Variants in AP2B1 observed in about 807,000 individuals in gnomAD.
AP2B1 encodes the protein adaptor related protein complex 2 subunit beta 1.
Under a neutral mutation model 102.0 loss-of-function variants are expected in AP2B1, and 23 were observed. The observed-to-expected ratio is 0.23, with a 90% CI of 0.16 to 0.32. The LOEUF is 0.32. AP2B1 is among the 10% of genes least tolerant of loss of function. The probability of loss-of-function intolerance (pLI) is 1.00; values close to 1 mark genes in which losing one functional copy is unlikely to be tolerated. For synonymous variants in AP2B1, 381 were observed against 421.2 expected, an observed-to-expected ratio of 0.90 and a Z score of 1.17; for missense variants, 541 against 1,157.4, an observed-to-expected ratio of 0.47 and a Z score of 7.73.
At chr17:35,653,206 T>C (rs951866146) in intron 13 of AP2B1, among the ~76,000 whole-genome samples, 20 of 152,238 alleles carry the variant, frequency 1.3e-4, no homozygotes, top group Non-Finnish European at 1.9e-4. Context: ...ATGTTTTCAA[T>C]TGATCCTTGC....
chr17:35,680,700 G>GTTTTTTTTTTTTTTTTT (rs1176447688), intron 17 of AP2B1, among the ~76,000 whole-genome samples: 2 of 128,924 alleles, frequency 1.6e-5, no homozygotes, highest in African/African-American at 2.9e-5. Context: ...TTTTTTTTTT[G>GTTTTTTTTTTTTTTTTT]TTTTTTTTTT....
chr17:35,655,575 T>C (rs1373423506), intron 13 of AP2B1, among the ~76,000 whole-genome samples: 1 of 152,234 alleles, frequency 6.6e-6, no homozygotes, highest in East Asian at 1.9e-4. Flanking sequence ...ACCTTTGGGT[T>C]ATTTCTAGTT....
At chr17:35,604,899 G>A (rs2073615974) in intron 3 of AP2B1, among the ~76,000 whole-genome samples, 1 of 152,130 alleles carries the variant, frequency 6.6e-6, no homozygotes, top group African/African-American at 2.4e-5. Flanking sequence ...TAGAGACCTT[G>A]TTGAGAACAG....
At position 35,657,869 on chromosome 17, in the gene AP2B1, T is replaced by C. The variant is rs1042382695; in HGVS notation, c.1989+78T>C. 5 of 1,362,790 alleles carry C rather than the reference T, an allele frequency of 3.7e-6. No homozygotes were observed. In the African/African-American group the frequency reaches 7.3e-5, roughly 20 times the overall value. 84.4% of individuals were successfully genotyped at this position (1,362,790 alleles called of 1,614,324 possible). A position where few individuals can be genotyped will look rare whatever the true frequency, so the allele number is the denominator to read the frequency against. ...TAGAGAGTTTTAAATTATTCAGCTT[T>C]TTAGAACTAGACCTTTCCTTGATGA... On this transcript the variant is annotated intron_variant, in intron 14 of 21. Coordinates refer to ENST00000610402, the MANE Select transcript of AP2B1 (RefSeq NM_001030006.2).
chr17:35,723,399 T>C (rs226427), intron 21 of AP2B1, among the ~76,000 whole-genome samples: 8,529 of 152,290 alleles, frequency 0.056, 393 homozygotes, highest in East Asian at 0.14. Flanking sequence ...CCTAATCTTA[T>C]AGACCCACAT....
In AP2B1 at chr17:35,597,020, C is replaced by T. The variant is rs780737728; in HGVS notation, c.38-1210C>T. The T allele has an allele frequency of 6.0e-4, 367 of 616,318 alleles. 2 individuals carry two copies. The Middle Eastern group carries it at 0.012, about 20-fold the overall frequency. 38.2% of individuals were successfully genotyped at this position (616,318 alleles called of 1,614,324 possible). On this transcript the variant is annotated intron_variant, in intron 2 of 21. Transcript: ENST00000610402. ...GCGCCTGCACGGTCCAGCTCGGACA[C>T]AGGTGGCGGCGAAGCCCCGTTGTGG... is the stretch of plus-strand genomic sequence containing the variant.
chr17:35,627,488 C>G lies in AP2B1; in HGVS notation c.1042C>G (p.Gln348Glu). 6.2e-7 allele frequency: 1 copy of G among 1,614,042 alleles called. No individual in the cohort carries two copies. The highest frequency in any genetic ancestry group is 8.5e-7 in the Non-Finnish European group (1 of 1,179,996). The change falls in exon 8 of 22, where the codon CAA becomes GAA. Residue 348 changes from glutamine (Q) to glutamate (E), a missense_variant. By Grantham distance (29) the Gln-to-Glu change is conservative. Coordinates refer to ENST00000610402, the MANE Select transcript of AP2B1 (RefSeq NM_001030006.2). ...KLDIMIRLAS[Q>E]ANIAQVLAEL... is the part of the protein sequence containing the mutation. Reference sequence around the variant, plus strand: ...GGACATCATGATTCGTTTGGCATCTCAAGCCAACATTGCTCAGGTCAGACT... The same window carrying G: ...GGACATCATGATTCGTTTGGCATCTGAAGCCAACATTGCTCAGGTCAGACT...
chr17:35,646,164 C>T (rs180834758), intron 12 of AP2B1, among the ~76,000 whole-genome samples: 23 of 152,302 alleles, frequency 1.5e-4, no homozygotes, highest in African/African-American at 5.5e-4. Flanking sequence ...GGGACCTCTT[C>T]CCCTGAGGAA....
chr17:35,646,694 T>C (rs1353786741), intron 12 of AP2B1, among the ~76,000 whole-genome samples: 1 of 151,736 alleles, frequency 6.6e-6, no homozygotes, highest in African/African-American at 2.4e-5. Context: ...GTTCAAGTGA[T>C]TCTCCCTCCT....
At chr17:35,711,744 T>G (rs1178903637) in intron 20 of AP2B1, among the ~76,000 whole-genome samples, 1 of 152,244 alleles carries the variant, frequency 6.6e-6, no homozygotes, top group Non-Finnish European at 1.5e-5. Context: ...GTGCTGGGAT[T>G]ACAGGCATGA....
At chr17:35,711,524 A>G (rs1343603448) in intron 20 of AP2B1, among the ~76,000 whole-genome samples, 6 of 150,768 alleles carry the variant, frequency 4.0e-5, no homozygotes, top group Non-Finnish European at 8.9e-5. Context: ...GCTGGAGTGC[A>G]GTGGCACAAT....
At chr17:35,639,088 G>C (rs2142718813) in intron 10 of AP2B1, among the ~76,000 whole-genome samples, 1 of 152,200 alleles carries the variant, frequency 6.6e-6, no homozygotes, top group East Asian at 1.9e-4. Context: ...TCATCACTTT[G>C]GGAGACCAAG....
At chr17:35,638,424 ATATTTT>A (rs2074670950) in intron 10 of AP2B1, among the ~76,000 whole-genome samples, 1 of 152,198 alleles carries the variant, frequency 6.6e-6, no homozygotes. Context: ...GTAAAAATAA[ATATTTT>A]AATTACTTCT....
In AP2B1 at chr17:35,641,992, A is replaced by G; in HGVS notation, c.1536+17A>G. On this transcript the variant is annotated intron_variant, in intron 12 of 21. Coordinates refer to ENST00000610402, the MANE Select transcript of AP2B1 (RefSeq NM_001030006.2). ...GCAACACAGGTAAGAAATCTGGAAA[A>G]AGCAAGATGTTGATTTGTCTTGTTT... The G allele has an allele frequency of 6.4e-7, 1 of 1,573,676 alleles. No individual in the cohort carries two copies.
chr17:35,634,380 G>A (rs1375175644), intron 9 of AP2B1, among the ~76,000 whole-genome samples: 4 of 152,108 alleles, frequency 2.6e-5, no homozygotes, highest in Non-Finnish European at 4.4e-5. Context: ...TACCTATTGG[G>A]TGATTCTCTG....
intron 4 of AP2B1, chr17:35,607,891 C>G (rs984016305): frequency 4.5e-6 from 2 of 449,034 alleles, no homozygotes; most frequent in African/African-American, 2.0e-5. Flanking sequence ...CTGCCTGGCA[C>G]TAGAGTGAAT....
intron 18 of AP2B1, among the ~76,000 whole-genome samples, chr17:35,691,005 T>G (rs2076029961): frequency 6.6e-6 from 1 of 152,226 alleles, no homozygotes; most frequent in Non-Finnish European, 1.5e-5. Context: ...TGTCCCTGTC[T>G]TTATTGCCTT....
chr17:35,708,891 A>G (rs2076395585), intron 18 of AP2B1, among the ~76,000 whole-genome samples: 1 of 152,196 alleles, frequency 6.6e-6, no homozygotes, highest in Admixed American at 6.5e-5. Flanking sequence ...TAGAAATAAT[A>G]TCATTAATAG....
In AP2B1 at chr17:35,641,678, G is replaced by A. The variant is rs543482972; in HGVS notation, c.1438-199G>A. Among the ~76,000 whole-genome samples the A allele has an allele frequency of 9.9e-5, 15 of 152,252 alleles. No individual in the cohort carries two copies. In the South Asian group the frequency reaches 1.9e-3, roughly 19 times the overall value. ...TCGAGGTTAAAAGGGTAGAGTTTTC[G>A]GTTGAATACCTTTGTATTTCCCACG... On this transcript the variant is annotated intron_variant, in intron 11 of 21. Transcript: ENST00000610402.
Sources: allele counts gnomAD v4.1 joint callset (sites outside exome capture counted in the v4.1 genomes callset), GRCh38; gene constraint gnomAD v4.1.1; transcripts MANE v1.5; gene names NCBI Gene and HGNC (gene_info 2026-07-23, HGNC 2026-07-21).